The following LYRM4 variants were observed in gnomAD, a reference collection of about 807,000 sequenced individuals.
LYRM4 encodes LYR motif containing 4.
Under a neutral mutation model 11.7 loss-of-function variants are expected in LYRM4, and 9 were observed. The observed-to-expected ratio is 0.77, with a 90% CI of 0.46 to 1.34. The LOEUF is 1.34. Among genes scored for constraint, LYRM4 ranks in the 40% most tolerant of loss-of-function variants. The pLI is 0.00. For missense variants in LYRM4, 133 were observed against 112.5 expected (o/e 1.18, Z -0.82); for synonymous variants, 42 against 40.4 (o/e 1.04, Z -0.15).
At chr6:5,196,192 T>C (rs1412334033) in intron 2 of LYRM4, among the ~76,000 whole-genome samples, 1 of 152,120 alleles carries the variant, frequency 6.6e-6, no homozygotes, top group Non-Finnish European at 1.5e-5. Flanking sequence ...TCCCTCTGCC[T>C]TTCCAGTCCC....
the LYRM4 span, among the ~76,000 whole-genome samples, chr6:5,045,154 T>C: frequency 1.1e-4 from 17 of 152,308 alleles, no homozygotes; most frequent in African/African-American, 3.9e-4. Flanking sequence ...TGAAGAGATA[T>C]TTGCACATTT....
At chr6:5,188,217 C>A (rs1760536786) in intron 2 of LYRM4, among the ~76,000 whole-genome samples, 1 of 151,768 alleles carries the variant, frequency 6.6e-6, no homozygotes, top group Non-Finnish European at 1.5e-5. Flanking sequence ...AAGAAACAAA[C>A]AAAAATTAGC....
chr6:5,076,997 C>T, the LYRM4 span, among the ~76,000 whole-genome samples: 2 of 152,208 alleles, frequency 1.3e-5, no homozygotes, highest in South Asian at 4.1e-4. Context: ...AAAAAGGAAA[C>T]CTCCCTCAGG....
the LYRM4 span, among the ~76,000 whole-genome samples, chr6:5,045,439 T>G: frequency 6.6e-6 from 1 of 152,196 alleles, no homozygotes; most frequent in East Asian, 1.9e-4. Flanking sequence ...GAAAGTAGAC[T>G]GGGGTGGCCA....
the LYRM4 span, chr6:5,085,436 C>T: frequency 7.2e-7 from 1 of 1,391,766 alleles, no homozygotes; most frequent in East Asian, 2.5e-5. Flanking sequence ...TTAGTTAAGT[C>T]TCCAGAGGGG....
the LYRM4 span, among the ~76,000 whole-genome samples, chr6:5,040,234 C>T: frequency 6.6e-6 from 1 of 151,736 alleles, no homozygotes; most frequent in Non-Finnish European, 1.5e-5. Context: ...GGGAGGATTG[C>T]TTGAGCTCGA....
intron 2 of LYRM4, among the ~76,000 whole-genome samples, chr6:5,128,818 T>A (rs1763812038): frequency 6.6e-6 from 1 of 152,204 alleles, no homozygotes; most frequent in African/African-American, 2.4e-5. Flanking sequence ...TGAGGCCCCA[T>A]GTCACCTGCA....
intron 1 of LYRM4, among the ~76,000 whole-genome samples, chr6:5,217,462 T>C (rs536556740): frequency 6.6e-6 from 1 of 152,334 alleles, no homozygotes; most frequent in Admixed American, 6.5e-5. Context: ...CTCCAGCTTC[T>C]ACTGTTTGTG....
chr6:5,212,364 G>A lies in LYRM4; in HGVS notation c.207+4254C>T, dbSNP rs188718024. 3.7e-4 allele frequency among the ~76,000 whole-genome samples: 57 copies of A among 152,362 alleles called. 1 individual carries two copies. The highest frequency in any genetic ancestry group is 3.1e-3 in the Admixed American group (47 of 15,306). ...AGCAAAATCTGGCTGCCTTTTTGCT[G>A]TTCCTGATGTAAAACACCTACGAAG... On this transcript the variant is annotated intron_variant, in intron 2 of 2. Coordinates refer to ENST00000330636, the MANE Select transcript of LYRM4 (RefSeq NM_020408.6).
intron 1 of LYRM4, among the ~76,000 whole-genome samples, chr6:5,221,683 C>A (rs907722133): frequency 6.6e-6 from 1 of 152,222 alleles, no homozygotes; most frequent in African/African-American, 2.4e-5. Flanking sequence ...CAGGGCAAGA[C>A]AATGTCTCAA....
intron 2 of LYRM4, among the ~76,000 whole-genome samples, chr6:5,169,559 A>G (rs928544066): frequency 5.3e-5 from 8 of 152,226 alleles, no homozygotes; most frequent in African/African-American, 1.9e-4. Flanking sequence ...GAGTAGGCGA[A>G]TTTATAAATA....
At chr6:5,212,479 C>G (rs1205734855) in intron 2 of LYRM4, among the ~76,000 whole-genome samples, 1 of 152,198 alleles carries the variant, frequency 6.6e-6, no homozygotes, top group Non-Finnish European at 1.5e-5. Flanking sequence ...ACAAACCACC[C>G]AGGTTTGTCC....
chr6:5,109,464 C>T lies in LYRM4; in HGVS notation c.235G>A (p.Asp79Asn). 4 of 1,614,104 alleles carry T rather than the reference C, an allele frequency of 2.5e-6. No individual in the cohort carries two copies. Among genetic ancestry groups the T allele is most frequent in the Non-Finnish European group, 3.4e-6 (4 of 1,179,970 alleles). ...QVHIGQLYST[D>N]KLIIENRDMP... The stretch of plus-strand genomic sequence containing the variant: ...TCTCGATTCTCAATGATCAGCTTGT[C>T]AGTTGAATACAGTTGGCCAATGTGG... Residue 79 changes from aspartate to asparagine, a missense_variant, in exon 3 of 3, where the codon GAC (aspartate) becomes AAC (asparagine). Coordinates refer to ENST00000330636, the MANE Select transcript of LYRM4 (RefSeq NM_020408.6).
At position 5,207,819 on chromosome 6, in the gene LYRM4, T is replaced by C. The variant is rs80001308; in HGVS notation, c.207+8799A>G. Among the ~76,000 whole-genome samples the C allele has an allele frequency of 7.3e-3, 1,108 of 152,312 alleles. 13 individuals carry two copies. Among genetic ancestry groups the C allele is most frequent in the African/African-American group, 0.025 (1,053 of 41,564 alleles). On this transcript the variant is annotated intron_variant, in intron 2 of 2. Transcript: ENST00000330636. The stretch of plus-strand genomic sequence containing the variant: ...AGCCTGGCCTCTAGGGATCAAGCTA[T>C]TCATGAGCCTACAGAGGGTAAGCTG...
At position 5,109,413 on chromosome 6, in the gene LYRM4, C is replaced by G. The variant is rs768822800; in HGVS notation, c.*10G>C. The G allele has an allele frequency of 5.6e-6, 9 of 1,613,874 alleles. No homozygotes were observed. Among genetic ancestry groups the G allele is most frequent in the Non-Finnish European group, 6.8e-6 (8 of 1,179,822 alleles). The stretch of plus-strand genomic sequence containing the variant: ...TCCCTGGCCGCCACTGGTGGCTGGT[C>G]CCCGGCTTGCTAGGTCCTGGGCATG... On this transcript the variant is annotated 3_prime_UTR_variant, in exon 3 of 3. Transcript: ENST00000330636.
chr6:5,205,439 G>A (rs112817034), intron 2 of LYRM4, among the ~76,000 whole-genome samples: 49 of 150,834 alleles, frequency 3.2e-4, no homozygotes, highest in Non-Finnish European at 6.6e-4. Context: ...GACTATCGGG[G>A]GACAGGCTGA....
Position 5,227,115 on chromosome 6 carries a change from T to A in LYRM4, c.87-10377A>T, listed in dbSNP as rs183119957. Among the ~76,000 whole-genome samples, 147 of 152,304 alleles carry A rather than the reference T, an allele frequency of 9.7e-4. No homozygotes were observed. In the East Asian group the frequency reaches 0.012, roughly 13 times the overall value. ...TAGACCGTTTATTTTGAGGCAACAA[T>A]GGGACAAGGTAGACATGTCCAATAG... On this transcript the variant is annotated intron_variant, in intron 1 of 2. Transcript: ENST00000330636.
At chr6:5,059,120 C>T in the LYRM4 span, among the ~76,000 whole-genome samples, 1 of 152,036 alleles carries the variant, frequency 6.6e-6, no homozygotes, top group Non-Finnish European at 1.5e-5. Context: ...GCCGGAGGAT[C>T]CCTTGAGCCC....
chr6:5,098,705 C>T (rs1282973843), downstream of LYRM4, among the ~76,000 whole-genome samples: 2 of 152,166 alleles, frequency 1.3e-5, no homozygotes, highest in African/African-American at 2.4e-5. Flanking sequence ...TACACGTCCA[C>T]GCGCCTCATC....
Sources: gnomAD v4.1 joint callset for allele counts (sites outside exome capture counted in the v4.1 genomes callset) on GRCh38, gnomAD v4.1.1 for gene constraint, MANE v1.5 for transcripts, NCBI Gene and HGNC (gene_info 2026-07-23, HGNC 2026-07-21) for gene names.